SCP2: variants seen among roughly 807,000 people sequenced by gnomAD.
The protein encoded by SCP2 is SCP-2/3-oxoacyl-CoA thiolase.
SCP2 carries 48 observed loss-of-function variants against 71.4 expected under a neutral mutation model. The ratio of observed to expected loss-of-function variants is 0.67; its 90% confidence interval spans 0.53 to 0.86. SCP2 has a LOEUF of 0.86. SCP2 is among the 40% of genes least tolerant of loss of function. The pLI is 0.00. For synonymous variants in SCP2, 220 were observed against 218.1 expected, an observed-to-expected ratio of 1.01 and a Z score of -0.08; for missense variants, 560 against 655.6, an observed-to-expected ratio of 0.85 and a Z score of 1.59.
At chr1:52,992,970 T>G (rs1659632826) in intron 11 of SCP2, among the ~76,000 whole-genome samples, 1 of 152,236 alleles carries the variant, frequency 6.6e-6, no homozygotes, top group African/African-American at 2.4e-5. Flanking sequence ...ACATATATTT[T>G]AAAGGAATCA....
intron 11 of SCP2, chr1:52,995,559 G>A (rs1399014930): frequency 4.3e-6 from 2 of 460,180 alleles, no homozygotes; most frequent in Non-Finnish European, 8.5e-6. Context: ...GCAGCATCGA[G>A]CTTTCACAGT....
intron 1 of SCP2, among the ~76,000 whole-genome samples, chr1:52,934,464 A>G (rs1653478560): frequency 6.6e-6 from 1 of 152,052 alleles, no homozygotes. Context: ...CATTCTTTAA[A>G]TAATAATCCA....
intron 11 of SCP2, chr1:52,995,734 C>T: frequency 2.6e-6 from 2 of 771,802 alleles, no homozygotes; most frequent in Non-Finnish European, 4.8e-6. Flanking sequence ...TCCCCAACAA[C>T]ATCAAGACAG....
intron 10 of SCP2, among the ~76,000 whole-genome samples, 166 bp from the exon 11 acceptor site, chr1:52,987,863 A>T (rs1659136585): frequency 6.6e-6 from 1 of 152,200 alleles, no homozygotes; most frequent in African/African-American, 2.4e-5. Flanking sequence ...CTGAAAATGT[A>T]AGTATTTATT....
Position 52,943,782 on chromosome 1 carries a change from C to T in SCP2, c.127+1929C>T, listed in dbSNP as rs1470593991. 9 of 445,338 alleles carry T rather than the reference C, an allele frequency of 2.0e-5. No homozygotes were observed. In the Admixed American group the frequency reaches 2.2e-4, roughly 11 times the overall value. The allele number at this position is 445,338 out of a possible 1,614,324, so 27.6% of individuals were successfully genotyped here. On this transcript the variant is annotated intron_variant, in intron 2 of 15. Coordinates refer to ENST00000371514, the MANE Select transcript of SCP2 (RefSeq NM_002979.5). ...GTGGACTTCTGATAACGTCTGATTT[C>T]ACCGAGTGCCACAGTACCAGGCCTG...
Position 52,927,601 on chromosome 1 carries a change from T to C in SCP2, c.69+136T>C, listed in dbSNP as rs1652573991. Reference sequence around the variant, plus strand: ...GGCGTGGCGACTTGGTGGCTTGTACTCTGCGGAATCTCTGGGGTCATAGCG... The same window carrying C: ...GGCGTGGCGACTTGGTGGCTTGTACCCTGCGGAATCTCTGGGGTCATAGCG... On this transcript the variant is annotated intron_variant, in intron 1 of 15. Coordinates refer to ENST00000371514, the MANE Select transcript of SCP2 (RefSeq NM_002979.5). 3 of 696,474 alleles carry C rather than the reference T, an allele frequency of 4.3e-6. No individual in the cohort carries two copies. In the African/African-American group the frequency reaches 5.3e-5, roughly 12 times the overall value. 43.1% of individuals were successfully genotyped at this position (696,474 alleles called of 1,614,324 possible).
chr1:52,993,135 G>T, intron 11 of SCP2: 1 of 1,542,374 alleles, frequency 6.5e-7, no homozygotes, highest in Admixed American at 1.7e-5. Context: ...GATGTAAACT[G>T]AGGAGAGGAA....
Position 53,050,671 on chromosome 1 carries a change from T to C in SCP2, c.1611T>C (p.Asn537=). 2.5e-6 allele frequency: 4 copies of C among 1,613,686 alleles called. No individual in the cohort carries two copies. Among genetic ancestry groups the C allele is most frequent in the Non-Finnish European group, 3.4e-6 (4 of 1,179,668 alleles). ...TGGGTCTCGCTATGAAGTTACAAAATCTTCAGCTTCAGCCAGGCAACGCTA... is the reference window on the plus strand; with the variant it reads ...TGGGTCTCGCTATGAAGTTACAAAACCTTCAGCTTCAGCCAGGCAACGCTA... ...GNMGLAMKLQ[N]LQLQPGNAKL Residue 537 remains asparagine (N), a synonymous_variant, in exon 16 of 16, where the codon AAT becomes AAC. Coordinates refer to ENST00000371514, the MANE Select transcript of SCP2 (RefSeq NM_002979.5).
chr1:53,029,280 T>C (rs2150247489), intron 13 of SCP2, among the ~76,000 whole-genome samples: 1 of 150,950 alleles, frequency 6.6e-6, no homozygotes, highest in South Asian at 2.1e-4. Flanking sequence ...TTTTTTTTTT[T>C]TGAAACAGAG....
chr1:53,001,974 G>A (rs951803867), intron 11 of SCP2, among the ~76,000 whole-genome samples: 2 of 152,130 alleles, frequency 1.3e-5, no homozygotes, highest in Non-Finnish European at 2.9e-5. Context: ...CATGAGGTCA[G>A]GAGATCGAGA....
chr1:52,944,009 G>C (rs918982281), intron 2 of SCP2: 4 of 226,582 alleles, frequency 1.8e-5, no homozygotes, highest in Non-Finnish European at 3.7e-5. Context: ...TGATAGAGAG[G>C]GGCAGCAGTG....
At chr1:53,043,424 A>G (rs1663568930) in intron 14 of SCP2, among the ~76,000 whole-genome samples, 1 of 152,240 alleles carries the variant, frequency 6.6e-6, no homozygotes, top group Admixed American at 6.5e-5. Context: ...GGATTCATCA[A>G]ATGCTATGAA....
chr1:52,974,870 G>C (rs770055987), intron 7 of SCP2, 38 bp downstream of exon 7: 1 of 984,206 alleles, frequency 1.0e-6, no homozygotes, highest in Non-Finnish European at 1.7e-6. Flanking sequence ...GAAAATCTGG[G>C]TTATCCTACT....
Position 53,041,284 on chromosome 1 carries a change from C to T in SCP2, c.1468+2238C>T, listed in dbSNP as rs187163067. On this transcript the variant is annotated intron_variant, in intron 14 of 15. Coordinates refer to ENST00000371514, the MANE Select transcript of SCP2 (RefSeq NM_002979.5). ...TGGGTGTGTGGTGCGTGCCTGTAATCCCAGCTACTTGGGAGGCTGAGGCAG... is the reference window on the plus strand; with the variant it reads ...TGGGTGTGTGGTGCGTGCCTGTAATTCCAGCTACTTGGGAGGCTGAGGCAG... Among the ~76,000 whole-genome samples, 894 of 152,048 alleles carry T rather than the reference C, an allele frequency of 5.9e-3. 6 individuals are homozygous for T. Among genetic ancestry groups the T allele is most frequent in the Non-Finnish European group, 7.9e-3 (537 of 67,980 alleles).
intron 15 of SCP2, chr1:53,050,374 A>G (rs957623555): frequency 4.3e-6 from 2 of 461,666 alleles, no homozygotes; most frequent in Admixed American, 3.4e-5. Context: ...CTCAATTTCT[A>G]TGAGAAATTT....
chr1:52,996,097 C>T (rs971995477), intron 11 of SCP2: 45 of 729,526 alleles, frequency 6.2e-5, no homozygotes, highest in Non-Finnish European at 8.6e-5. Flanking sequence ...TTTTCTCTAC[C>T]TCAGAATTTG....
chr1:52,978,124 T>A, intron 8 of SCP2, 93 bp from the exon 9 acceptor site: 2 of 1,143,222 alleles, frequency 1.7e-6, no homozygotes, highest in Non-Finnish European at 2.6e-6. Context: ...GCAAGCATAT[T>A]TGGCCTTTCC....
At chr1:53,030,908 TAA>T (rs59298380) in intron 13 of SCP2, among the ~76,000 whole-genome samples, 3,055 of 75,906 alleles carry the variant, frequency 0.04, 86 homozygotes, top group African/African-American at 0.076. Flanking sequence ...TCAAAAAAAT[TAA>T]AAAAAAAAAA....
At chr1:53,006,903 A>ATCT (rs1660673423) in intron 11 of SCP2, among the ~76,000 whole-genome samples, 2 of 152,314 alleles carry the variant, frequency 1.3e-5, no homozygotes, top group African/African-American at 4.8e-5. Flanking sequence ...GTGCAGAGAC[A>ATCT]CACATAGGCT....
Sources: allele counts gnomAD v4.1 joint callset (sites outside exome capture counted in the v4.1 genomes callset), GRCh38; gene constraint gnomAD v4.1.1; transcripts MANE v1.5; gene names NCBI Gene and HGNC (gene_info 2026-07-23, HGNC 2026-07-21).